ACTR3C: variants seen among roughly 807,000 people sequenced by gnomAD.
The protein encoded by ACTR3C is actin-related protein 3C.
In ACTR3C, 18 loss-of-function variants were observed where a neutral mutation model predicts 26.3. The observed-to-expected ratio is 0.68, with a 90% confidence interval of 0.47 to 1.01. The LOEUF (loss-of-function observed/expected upper bound fraction) is 1.01, where lower values mean the gene tolerates loss of function less well. Among genes scored for constraint, ACTR3C ranks in the 50% least tolerant of loss-of-function variants. ACTR3C has a pLI of 0.00. For missense variants in ACTR3C, 184 were observed against 250.7 expected (o/e 0.73, Z 1.80); for synonymous variants, 55 against 94.5 (o/e 0.58, Z 2.42).
chr7:150,006,322 G>C, the ACTR3C span, among the ~76,000 whole-genome samples: 2 of 150,888 alleles, frequency 1.3e-5, no homozygotes, highest in African/African-American at 4.9e-5. Context: ...TCAGCCTCCC[G>C]AGTAGCTGGG....
chr7:150,036,895 G>A, the ACTR3C span, among the ~76,000 whole-genome samples: 1 of 116,444 alleles, frequency 8.6e-6, no homozygotes, highest in Non-Finnish European at 2.0e-5. Context: ...CTCAGTCCCC[G>A]CCTCGCGGGG....
At chr7:149,907,478 T>TCTCTCTTTCTCTC in the ACTR3C span, among the ~76,000 whole-genome samples, 1 of 97,606 alleles carries the variant, frequency 1.0e-5, no homozygotes, top group Non-Finnish European at 2.1e-5. Flanking sequence ...CTCTCTTCTC[T>TCTCTCTTTCTCTC]TCTCTCTCTC....
At chr7:150,035,558 G>C in the ACTR3C span, among the ~76,000 whole-genome samples, 23 of 70,660 alleles carry the variant, frequency 3.3e-4, no homozygotes, top group East Asian at 5.8e-3. Context: ...ATGGGGGTCC[G>C]CAGAGCCGGG....
At chr7:150,046,347 G>A in the ACTR3C span, among the ~76,000 whole-genome samples, 2 of 16,986 alleles carry the variant, frequency 1.2e-4, no homozygotes, top group Non-Finnish European at 2.6e-4. Context: ...ATGTCTCACC[G>A]CCCCCCCCCC....
At chr7:150,232,645 G>A in the ACTR3C span, among the ~76,000 whole-genome samples, 3 of 146,402 alleles carry the variant, frequency 2.0e-5, no homozygotes, top group African/African-American at 8.2e-5. Flanking sequence ...CCAACATGGT[G>A]AAACCCCATC....
chr7:150,000,273 A>G, the ACTR3C span, among the ~76,000 whole-genome samples: 4 of 148,948 alleles, frequency 2.7e-5, no homozygotes, highest in Non-Finnish European at 6.0e-5. Flanking sequence ...AACCAAAAGC[A>G]TAAAGGTATT....
chr7:150,108,134 T>C, the ACTR3C span, among the ~76,000 whole-genome samples: 1 of 150,266 alleles, frequency 6.7e-6, no homozygotes, highest in Non-Finnish European at 1.5e-5. Flanking sequence ...ACAGCAGGTG[T>C]GGGGCACACC....
chr7:150,211,997 A>G, the ACTR3C span, among the ~76,000 whole-genome samples: 2 of 146,632 alleles, frequency 1.4e-5, no homozygotes, highest in South Asian at 4.2e-4. Flanking sequence ...ATTGCATTTG[A>G]AATTTTCCTA....
chr7:150,107,690 C>G, the ACTR3C span, among the ~76,000 whole-genome samples: 1 of 151,242 alleles, frequency 6.6e-6, no homozygotes, highest in Admixed American at 6.6e-5. Context: ...CCAAGTATAC[C>G]GGGGAAGGAG....
chr7:149,956,354 C>T, the ACTR3C span, among the ~76,000 whole-genome samples: 1 of 152,020 alleles, frequency 6.6e-6, no homozygotes, highest in African/African-American at 2.4e-5. Flanking sequence ...TCCAGGAGTT[C>T]GAGACCAACC....
chr7:150,154,832 A>G, the ACTR3C span, among the ~76,000 whole-genome samples: 1 of 152,192 alleles, frequency 6.6e-6, no homozygotes, highest in Non-Finnish European at 1.5e-5. Flanking sequence ...ACCCAGAAAC[A>G]TGCTGAGTTT....
the ACTR3C span, among the ~76,000 whole-genome samples, chr7:149,922,970 C>CTTTTTT: frequency 0.01 from 721 of 69,076 alleles, 87 homozygotes; most frequent in Non-Finnish European, 0.013. Context: ...AAATAAAAGG[C>CTTTTTT]TTTTTTTTTT....
the ACTR3C span, among the ~76,000 whole-genome samples, chr7:149,945,319 C>CAGGCTGCAGTGTCTTGGTGT: frequency 7.4e-6 from 1 of 134,312 alleles, no homozygotes. Flanking sequence ...CCATCAGTGA[C>CAGGCTGCAGTGTCTTGGTGT]AACCTCCCAG....
chr7:149,960,703 GA>G, the ACTR3C span, among the ~76,000 whole-genome samples: 2 of 152,154 alleles, frequency 1.3e-5, no homozygotes, highest in Non-Finnish European at 2.9e-5. Context: ...AGGTCCCAGT[GA>G]AAGCACTGCA....
the ACTR3C span, among the ~76,000 whole-genome samples, chr7:150,133,249 G>C: frequency 6.6e-6 from 1 of 152,114 alleles, no homozygotes; most frequent in Admixed American, 6.6e-5. Context: ...ACGAGCCAGA[G>C]AAACACTCCC....
the ACTR3C span, among the ~76,000 whole-genome samples, chr7:150,234,278 A>C: frequency 2.1e-4 from 32 of 152,308 alleles, no homozygotes; most frequent in African/African-American, 7.7e-4. Flanking sequence ...TCCCCTTACA[A>C]GGAACAGGAA....
chr7:150,214,086 G>C, the ACTR3C span, among the ~76,000 whole-genome samples: 1 of 151,574 alleles, frequency 6.6e-6, no homozygotes, highest in Admixed American at 6.6e-5. Context: ...TCCAACTTAA[G>C]TGTTCATTAA....
At chr7:149,889,639 G>A in the ACTR3C span, among the ~76,000 whole-genome samples, 3 of 152,286 alleles carry the variant, frequency 2.0e-5, no homozygotes, top group South Asian at 2.1e-4. Context: ...GGCTGGAGAG[G>A]ATGGGGGAAA....
chr7:150,150,023 G>A, the ACTR3C span, among the ~76,000 whole-genome samples: 8 of 152,050 alleles, frequency 5.3e-5, 1 homozygote, highest in Admixed American at 5.2e-4. Flanking sequence ...CTGCTGCCTG[G>A]TGACCAACTC....
Sources: gnomAD v4.1 joint callset for allele counts (sites outside exome capture counted in the v4.1 genomes callset) on GRCh38, gnomAD v4.1.1 for gene constraint, MANE v1.5 for transcripts, NCBI Gene and HGNC (gene_info 2026-07-23, HGNC 2026-07-21) for gene names.